CADPS: variants seen among roughly 807,000 people sequenced by gnomAD.
CADPS encodes calcium dependent secretion activator, also known as calcium-dependent secretion activator 1.
CADPS carries 57 observed loss-of-function variants against 167.3 expected under a neutral mutation model. The ratio of observed to expected loss-of-function variants is 0.34; its 90% confidence interval spans 0.28 to 0.42. The LOEUF is 0.42. Among genes scored for constraint, CADPS ranks in the 20% least tolerant of loss-of-function variants. The pLI is 1.00. For missense variants in CADPS, 1,414 were observed against 1,738.1 expected, an observed-to-expected ratio of 0.81 and a Z score of 3.32; for synonymous variants, 676 against 635.3, an observed-to-expected ratio of 1.06 and a Z score of -0.96.
At position 62,495,534 on chromosome 3, in the gene CADPS, G is replaced by A. The variant is rs1032998410; in HGVS notation, c.2707-1869C>T. On this transcript the variant is annotated intron_variant, in intron 18 of 29. Transcript: ENST00000383710. Reference sequence around the variant, plus strand: ...TTCCAAAGACAATAAGGAGAATAAGGAGTTATACTTCGGCTACTAAATACT... The same window carrying A: ...TTCCAAAGACAATAAGGAGAATAAGAAGTTATACTTCGGCTACTAAATACT... Among the ~76,000 whole-genome samples, 4 of 152,160 alleles carry A rather than the reference G, an allele frequency of 2.6e-5. 1 individual carries two copies. The highest frequency in any genetic ancestry group is 2.6e-4 in the Admixed American group (4 of 15,280).
intron 10 of CADPS, among the ~76,000 whole-genome samples, chr3:62,556,780 C>T (rs1218322110): frequency 1.3e-5 from 2 of 151,470 alleles, no homozygotes; most frequent in Middle Eastern, 3.4e-3. Flanking sequence ...TACTACCGCT[C>T]GTGTAGTTTT....
At chr3:62,827,064 C>G (rs1378707374) in intron 1 of CADPS, among the ~76,000 whole-genome samples, 1 of 152,148 alleles carries the variant, frequency 6.6e-6, no homozygotes, top group Non-Finnish European at 1.5e-5. Flanking sequence ...ATATGAAACA[C>G]CACATCCCAG....
At chr3:62,832,950 C>A (rs1410210569) in intron 1 of CADPS, among the ~76,000 whole-genome samples, 1 of 152,146 alleles carries the variant, frequency 6.6e-6, no homozygotes, top group Non-Finnish European at 1.5e-5. Context: ...CAACAACCAA[C>A]AACTTCTTGT....
intron 9 of CADPS, among the ~76,000 whole-genome samples, chr3:62,566,007 T>C (rs1252173367): frequency 6.6e-6 from 1 of 152,230 alleles, no homozygotes; most frequent in Non-Finnish European, 1.5e-5. Context: ...ATTTTCGTTG[T>C]TTTAAATCTA....
intron 26 of CADPS, among the ~76,000 whole-genome samples, chr3:62,447,414 T>C (rs947747923): frequency 1.7e-4 from 26 of 152,206 alleles, no homozygotes; most frequent in Admixed American, 7.8e-4. Context: ...TTACACTTGT[T>C]CTTGCAGCAT....
At chr3:62,588,058 C>T (rs1042266962) in intron 7 of CADPS, among the ~76,000 whole-genome samples, 4 of 152,194 alleles carry the variant, frequency 2.6e-5, no homozygotes, top group Admixed American at 2.0e-4. Context: ...GTGGCCGCCA[C>T]GACCCACCCC....
intron 4 of CADPS, among the ~76,000 whole-genome samples, chr3:62,660,071 G>A (rs1256785495): frequency 2.6e-5 from 4 of 152,162 alleles, no homozygotes; most frequent in Non-Finnish European, 4.4e-5. Context: ...GGTTGGGGGA[G>A]AGAGTTCTTT....
chr3:62,742,912 A>G (rs1353704122), intron 3 of CADPS, among the ~76,000 whole-genome samples: 1 of 152,210 alleles, frequency 6.6e-6, no homozygotes, highest in Non-Finnish European at 1.5e-5. Flanking sequence ...TGCATCTATA[A>G]GGAACTTAAA....
rs1301930372 is a variant in CADPS at position 62,399,168 on chromosome 3, G to A, written c.*238C>T. 2.1e-6 allele frequency: 1 copy of A among 471,446 alleles called. No individual in the cohort carries two copies. Among genetic ancestry groups the A allele is most frequent in the Non-Finnish European group, 3.9e-6 (1 of 259,018 alleles). 29.2% of individuals were successfully genotyped at this position (471,446 alleles called of 1,614,324 possible). A position where few individuals can be genotyped will look rare whatever the true frequency, so the allele number is the denominator to read the frequency against. ...TTAGACTATGTATTCTCCATGAACA[G>A]TATTTAAAGAATGGTGCTCCATATT... On this transcript the variant is annotated 3_prime_UTR_variant, in exon 30 of 30. Coordinates refer to ENST00000383710, the MANE Select transcript of CADPS (RefSeq NM_003716.4). The surrounding 1 kb of genome is among the most constrained non-coding windows in gnomAD (Gnocchi z 5.6).
intron 9 of CADPS, among the ~76,000 whole-genome samples, chr3:62,559,500 T>TC: frequency 7.0e-6 from 1 of 143,086 alleles, no homozygotes; most frequent in South Asian, 2.2e-4. Flanking sequence ...CATGGGGAAT[T>TC]TTTTTTTTTT....
chr3:62,551,320 C>A (rs1404996012), intron 10 of CADPS, among the ~76,000 whole-genome samples: 1 of 152,230 alleles, frequency 6.6e-6, no homozygotes, highest in Non-Finnish European at 1.5e-5. Context: ...TCACTACCCA[C>A]TTCCAATGAA....
At chr3:62,425,930 C>A (rs953099932) in intron 28 of CADPS, among the ~76,000 whole-genome samples, 1 of 152,190 alleles carries the variant, frequency 6.6e-6, no homozygotes, top group Non-Finnish European at 1.5e-5. Context: ...TCCTGGGGCA[C>A]CTTCTTTGAG....
chr3:62,544,958 G>A lies in CADPS; in HGVS notation c.1966+4945C>T, dbSNP rs559930155. 1.0e-5 allele frequency: 6 copies of A among 595,270 alleles called. No individual in the cohort carries two copies. The African/African-American group carries it at 1.2e-4, about 12-fold the overall frequency. 36.9% of individuals were successfully genotyped at this position (595,270 alleles called of 1,614,324 possible). Reference sequence around the variant, plus strand: ...CAGGAGTTCTAACCTAGCAGCCTAAGTTCTTGGGTTCGAGCAAAGATTGAA... The same window carrying A: ...CAGGAGTTCTAACCTAGCAGCCTAAATTCTTGGGTTCGAGCAAAGATTGAA... On this transcript the variant is annotated intron_variant, in intron 11 of 29. Coordinates refer to ENST00000383710, the MANE Select transcript of CADPS (RefSeq NM_003716.4). The surrounding 1 kb of genome is among the most constrained non-coding windows in gnomAD (Gnocchi z 4.4).
At chr3:62,803,037 G>C (rs2093868330) in intron 1 of CADPS, among the ~76,000 whole-genome samples, 1 of 152,172 alleles carries the variant, frequency 6.6e-6, no homozygotes, top group Admixed American at 6.5e-5. Flanking sequence ...ACAGGGCTGA[G>C]GCACAGAACA....
chr3:62,823,368 C>T (rs2073380155), intron 1 of CADPS, among the ~76,000 whole-genome samples: 1 of 152,134 alleles, frequency 6.6e-6, no homozygotes, highest in Admixed American at 6.5e-5. Context: ...AACAATCAGA[C>T]TTGTATATTC....
intron 3 of CADPS, among the ~76,000 whole-genome samples, chr3:62,686,141 A>G (rs1047183560): frequency 1.3e-5 from 2 of 152,090 alleles, no homozygotes. Flanking sequence ...TTTTTAAGCA[A>G]GACAATTACG....
At chr3:62,870,427 T>C (rs1294276179) in intron 1 of CADPS, among the ~76,000 whole-genome samples, 1 of 152,158 alleles carries the variant, frequency 6.6e-6, no homozygotes, top group African/African-American at 2.4e-5. Flanking sequence ...TAGCACTAGG[T>C]CTTTTTATGT....
At chr3:62,792,047 G>T (rs2092992057) in intron 1 of CADPS, among the ~76,000 whole-genome samples, 1 of 152,168 alleles carries the variant, frequency 6.6e-6, no homozygotes, top group South Asian at 2.1e-4. Context: ...ATGCTGAAAA[G>T]ATGCTGAATC....
intron 1 of CADPS, among the ~76,000 whole-genome samples, chr3:62,857,155 T>C (rs1321232224): frequency 6.6e-6 from 1 of 151,888 alleles, no homozygotes; most frequent in African/African-American, 2.4e-5. Context: ...TAACAATGGA[T>C]GGAAGGTAAC....
Sources: allele counts gnomAD v4.1 joint callset (sites outside exome capture counted in the v4.1 genomes callset), GRCh38; gene constraint gnomAD v4.1.1; non-coding constraint Gnocchi (gnomAD v3.1); transcripts MANE v1.5; gene names NCBI Gene and HGNC (gene_info 2026-07-23, HGNC 2026-07-21).